BCKDK: variants seen among roughly 807,000 people sequenced by gnomAD.
BCKDK encodes branched chain keto acid dehydrogenase kinase, also known as branched-chain alpha-ketoacid dehydrogenase kinase.
In BCKDK, 28 loss-of-function variants were observed where a neutral mutation model predicts 43.9. That is an observed-to-expected ratio of 0.64 (90% CI 0.47 to 0.87). BCKDK has a LOEUF of 0.87. Ranked by LOEUF, BCKDK falls within the 40% of genes least tolerant of loss-of-function variation. BCKDK has a pLI of 0.00. For missense variants in BCKDK, 483 were observed against 581.4 expected (o/e 0.83, Z 1.74); for synonymous variants, 257 against 234.3 (o/e 1.10, Z -0.88).
chr16:31,112,648 T>C lies in BCKDK; in HGVS notation c.*383T>C. On this transcript the variant is annotated 3_prime_UTR_variant, in exon 12 of 12. Transcript: ENST00000219794. This position sits in a 1 kb window ranked among gnomAD's most constrained non-coding sequence, Gnocchi z 5.0. Reference sequence around the variant, plus strand: ...GGTTCACTGAGCCCTTGGGTTGAACTGGTTCGTGTCCCAGTCTCTTACCTG... The same window carrying C: ...GGTTCACTGAGCCCTTGGGTTGAACCGGTTCGTGTCCCAGTCTCTTACCTG... 1 of 374,060 alleles carries C rather than the reference T, an allele frequency of 2.7e-6. No homozygotes were observed. The highest frequency in any genetic ancestry group is 5.1e-6 in the Non-Finnish European group (1 of 194,326). The allele number at this position is 374,060 out of a possible 1,614,324, so 23.2% of individuals were successfully genotyped here. A position where few individuals can be genotyped will look rare whatever the true frequency, so the allele number is the denominator to read the frequency against.
rs1282250061 is a variant in BCKDK, at chr16:31,110,330, G to A, written c.543+6G>A. 3.1e-6 allele frequency: 5 copies of A among 1,613,880 alleles called. No homozygotes were observed. Among genetic ancestry groups the A allele is most frequent in the Admixed American group, 1.7e-5 (1 of 59,984 alleles). ...AGAGCCGGAAGCACATAGAGGTTGG[G>A]GCAGCAAAGGAGAGGCCGGGCCTGC... On this transcript the variant is annotated splice_donor_region_variant and intron_variant, in intron 6 of 11. Transcript: ENST00000219794. This position sits in a 1 kb window ranked among gnomAD's most constrained non-coding sequence, Gnocchi z 5.4.
Position 31,109,037 on chromosome 16 carries a change from G to A in BCKDK, c.-177-10G>A, listed in dbSNP as rs2057386434. On this transcript the variant is annotated splice_polypyrimidine_tract_variant and intron_variant, in intron 1 of 11. Transcript: ENST00000219794. This position sits in a 1 kb window ranked among gnomAD's most constrained non-coding sequence, Gnocchi z 5.3. ...GGATCCTTACAACTTCCTCTTCCCC[G>A]CCCCGGTAGATGGGAGCTGCTCTCC... The A allele has an allele frequency of 1.9e-6, 1 of 513,090 alleles. No homozygotes were observed. The highest frequency in any genetic ancestry group is 3.4e-6 in the Non-Finnish European group (1 of 296,008). The allele number at this position is 513,090 out of a possible 1,614,324, so 31.8% of individuals were successfully genotyped here.
At position 31,109,060 on chromosome 16, in the gene BCKDK, T is replaced by C. The variant is rs1478489044; in HGVS notation, c.-164T>C. On this transcript the variant is annotated 5_prime_UTR_variant, in exon 2 of 12. Transcript: ENST00000219794. This position sits in a 1 kb window ranked among gnomAD's most constrained non-coding sequence, Gnocchi z 5.3. ...CCGCCCCGGTAGATGGGAGCTGCTC[T>C]CCGCGGGCTGAGCCTGTCAGCATCC... is the stretch of plus-strand genomic sequence containing the variant. 2 of 577,158 alleles carry C rather than the reference T, an allele frequency of 3.5e-6. No homozygotes were observed. Among genetic ancestry groups the C allele is most frequent in the East Asian group, 3.1e-5 (1 of 32,744 alleles). The allele number at this position is 577,158 out of a possible 1,614,324, so 35.8% of individuals were successfully genotyped here.
At chr16:31,113,179 T>G (rs754802828), downstream of BCKDK, among the ~76,000 whole-genome samples, 1 of 152,330 alleles carries the variant, frequency 6.6e-6, no homozygotes, top group African/African-American at 2.4e-5. Flanking sequence ...AAGAAAGGCC[T>G]AAGGGCGGCC....
chr16:31,110,199 C>G lies in BCKDK; in HGVS notation c.424-6C>G, dbSNP rs765367733. On this transcript the variant is annotated splice_polypyrimidine_tract_variant and splice_region_variant and intron_variant, in intron 5 of 11. Transcript: ENST00000219794. This position sits in a 1 kb window ranked among gnomAD's most constrained non-coding sequence, Gnocchi z 5.4. ...CCACCCTTCCTCATGACTCTGTGAC[C>G]TGCAGATCAAGGACCAGGCGGACGA... The G allele has an allele frequency of 8.1e-6, 13 of 1,614,014 alleles. No homozygotes were observed. Among genetic ancestry groups the G allele is most frequent in the Non-Finnish European group, 9.3e-6 (11 of 1,180,018 alleles).
At chr16:31,114,083 C>A (rs903675892), downstream of BCKDK, among the ~76,000 whole-genome samples, 1 of 152,136 alleles carries the variant, frequency 6.6e-6, no homozygotes, top group South Asian at 2.1e-4. Flanking sequence ...TTAAGAAGAG[C>A]CTCAGGTGCT....
Position 31,112,752 on chromosome 16 carries a change from G to A in BCKDK, c.*487G>A, listed in dbSNP as rs750399875. The A allele has an allele frequency of 3.8e-5, 11 of 289,160 alleles. No homozygotes were observed. The highest frequency in any genetic ancestry group is 6.7e-5 in the Non-Finnish European group (10 of 148,176). The allele number at this position is 289,160 out of a possible 1,614,324, so 17.9% of individuals were successfully genotyped here. A position where few individuals can be genotyped will look rare whatever the true frequency, so the allele number is the denominator to read the frequency against. ...TTGATTTGGTGGGAGTGGGATGACT[G>A]CAGCACCTTATACAAAGAGCTTTCA... is the stretch of plus-strand genomic sequence containing the variant. On this transcript the variant is annotated 3_prime_UTR_variant, in exon 12 of 12. Transcript: ENST00000219794. This position sits in a 1 kb window ranked among gnomAD's most constrained non-coding sequence, Gnocchi z 5.0.
Position 31,110,812 on chromosome 16 carries a change from C to T in BCKDK, c.716+51C>T, listed in dbSNP as rs1274678506. 1 of 1,585,798 alleles carries T rather than the reference C, an allele frequency of 6.3e-7. No individual in the cohort carries two copies. The highest frequency in any genetic ancestry group is 1.7e-5 in the Admixed American group (1 of 59,940). On this transcript the variant is annotated intron_variant, in intron 8 of 11. Coordinates refer to ENST00000219794, the MANE Select transcript of BCKDK (RefSeq NM_005881.4). This position sits in a 1 kb window ranked among gnomAD's most constrained non-coding sequence, Gnocchi z 5.4. The stretch of plus-strand genomic sequence containing the variant: ...GGGCAGACATCTGGGGCAGGGAAGG[C>T]TTGGGTCTGAGCCCTTGCCCGGGGC...
In BCKDK at chr16:31,111,912, C is replaced by G. The variant is rs377423130; in HGVS notation, c.979C>G (p.Arg327Gly). The change falls in exon 11 of 12, where the codon CGG becomes GGG. Residue 327 changes from arginine (R) to glycine (G), a missense_variant. Arg to Gly is a moderately radical substitution (Grantham distance 125, BLOSUM62 -2). Transcript: ENST00000219794. The stretch of plus-strand genomic sequence containing the variant: ...AGGAATCGCTCACAAAGATCTGGAC[C>G]GGGTCATGGACTACCACTTCACTAC... ...GGGIAHKDLD[R>G]VMDYHFTTAE... 2 of 1,614,014 alleles carry G rather than the reference C, an allele frequency of 1.2e-6. No individual in the cohort carries two copies. The highest frequency in any genetic ancestry group is 1.3e-5 in the African/African-American group (1 of 74,920).
chr16:31,110,030 C>T lies in BCKDK; in HGVS notation c.376-47C>T. ...GGTAGGTGGGGGTGGCTGTTCTCTGCTCAGTGCCCATGCGGCTTTGTGAAT... is the reference window on the plus strand; with the variant it reads ...GGTAGGTGGGGGTGGCTGTTCTCTGTTCAGTGCCCATGCGGCTTTGTGAAT... On this transcript the variant is annotated intron_variant, in intron 4 of 11. Transcript: ENST00000219794. The surrounding 1 kb of genome is among the most constrained non-coding windows in gnomAD (Gnocchi z 5.4). 6.2e-7 allele frequency: 1 copy of T among 1,613,486 alleles called. No individual in the cohort carries two copies.
downstream of BCKDK, among the ~76,000 whole-genome samples, chr16:31,115,147 TC>T (rs1398311279): frequency 2.0e-5 from 3 of 151,770 alleles, no homozygotes; most frequent in African/African-American, 7.3e-5. Context: ...GGTTTTGAAC[TC>T]CTGACCTCAA....
At chr16:31,116,301 C>T (rs1401711689), downstream of BCKDK, among the ~76,000 whole-genome samples, 2 of 151,030 alleles carry the variant, frequency 1.3e-5, no homozygotes, top group Non-Finnish European at 2.9e-5. Context: ...CAACCTCCGC[C>T]TCCCGGGTTC....
At chr16:31,114,530 CCT>C (rs1012724011), downstream of BCKDK, among the ~76,000 whole-genome samples, 92 of 152,156 alleles carry the variant, frequency 6.0e-4, no homozygotes, top group African/African-American at 1.9e-3. Context: ...TGATTTGTAA[CCT>C]CTGAGAGACC....
downstream of BCKDK, among the ~76,000 whole-genome samples, chr16:31,112,978 G>A (rs2057426693): frequency 6.6e-6 from 1 of 152,218 alleles, no homozygotes; most frequent in Admixed American, 6.5e-5. The surrounding 1 kb of genome is among the most constrained non-coding windows in gnomAD (Gnocchi z 5.0). Flanking sequence ...CTGCTGCCAA[G>A]GAAAAGAACA....
At position 31,109,111 on chromosome 16, in the gene BCKDK, G is replaced by A; in HGVS notation, c.-113G>A. The A allele has an allele frequency of 1.1e-6, 1 of 951,386 alleles. No homozygotes were observed. The highest frequency in any genetic ancestry group is 1.5e-6 in the Non-Finnish European group (1 of 684,738). 58.9% of individuals were successfully genotyped at this position (951,386 alleles called of 1,614,324 possible). On this transcript the variant is annotated 5_prime_UTR_variant, in exon 2 of 12. Coordinates refer to ENST00000219794, the MANE Select transcript of BCKDK (RefSeq NM_005881.4). The surrounding 1 kb of genome is among the most constrained non-coding windows in gnomAD (Gnocchi z 5.3). ...TCGACGCACCCTGGTCCCTGAAGTC[G>A]GAGAAGAGCCCCTACCCACCCACAC...
In BCKDK at chr16:31,109,588, C is replaced by G. The variant is rs771599293; in HGVS notation, c.264+9C>G. Reference sequence around the variant, plus strand: ...ACGGCAGCCACCTTCTGGTAAGATTCACGCCCTCTATTTTCCTCGTGGATC... The same window carrying G: ...ACGGCAGCCACCTTCTGGTAAGATTGACGCCCTCTATTTTCCTCGTGGATC... On this transcript the variant is annotated intron_variant, in intron 3 of 11. Coordinates refer to ENST00000219794, the MANE Select transcript of BCKDK (RefSeq NM_005881.4). This position sits in a 1 kb window ranked among gnomAD's most constrained non-coding sequence, Gnocchi z 5.3. 6.2e-7 allele frequency: 1 copy of G among 1,614,102 alleles called. No individual in the cohort carries two copies. Among genetic ancestry groups the G allele is most frequent in the African/African-American group, 1.3e-5 (1 of 75,046 alleles).
chr16:31,115,549 G>C (rs1294320405), downstream of BCKDK, among the ~76,000 whole-genome samples: 2 of 150,224 alleles, frequency 1.3e-5, no homozygotes, highest in Non-Finnish European at 3.0e-5. Flanking sequence ...CTTTTTTTTT[G>C]AGACAGGGTC....
chr16:31,114,457 C>T (rs561660261), downstream of BCKDK, among the ~76,000 whole-genome samples: 25 of 152,168 alleles, frequency 1.6e-4, no homozygotes, highest in South Asian at 5.0e-3. Flanking sequence ...GTGATCCATC[C>T]ACCTCAGCCT....
chr16:31,110,385 A>G lies in BCKDK; in HGVS notation c.544-16A>G. On this transcript the variant is annotated splice_polypyrimidine_tract_variant and intron_variant, in intron 6 of 11. Transcript: ENST00000219794. This position sits in a 1 kb window ranked among gnomAD's most constrained non-coding sequence, Gnocchi z 5.4. The stretch of plus-strand genomic sequence containing the variant: ...GGTGGGAAGGGCACGGGATTCTGAG[A>G]CCTCACTCTTTACAGGATGAAAAGC... 2 of 1,613,934 alleles carry G rather than the reference A, an allele frequency of 1.2e-6. No homozygotes were observed. The highest frequency in any genetic ancestry group is 1.7e-6 in the Non-Finnish European group (2 of 1,180,004).
Sources: gnomAD v4.1 joint callset for allele counts (sites outside exome capture counted in the v4.1 genomes callset) on GRCh38, gnomAD v4.1.1 for gene constraint, Gnocchi (gnomAD v3.1) non-coding constraint, MANE v1.5 for transcripts, NCBI Gene and HGNC (gene_info 2026-07-23, HGNC 2026-07-21) for gene names.